ITGBL1: variants seen among roughly 807,000 people sequenced by gnomAD.
The protein encoded by ITGBL1 is integrin subunit beta like 1.
A neutral mutation model predicts 68.5 loss-of-function variants in ITGBL1; 51 were observed. That is an observed-to-expected ratio of 0.74 (90% confidence interval 0.59 to 0.94). The LOEUF (loss-of-function observed/expected upper bound fraction) is 0.94. ITGBL1 is among the 40% of genes least tolerant of loss of function. The pLI is 0.00. For synonymous variants in ITGBL1, 209 were observed against 227.3 expected (o/e 0.92, Z 0.72); for missense variants, 649 against 647.4 (o/e 1.00, Z -0.03).
chr13:101,636,826 A>G (rs1183039042), intron 7 of ITGBL1, among the ~76,000 whole-genome samples: 3 of 152,128 alleles, frequency 2.0e-5, no homozygotes, highest in Admixed American at 2.0e-4. Context: ...TATTCTGAAT[A>G]TATTATTTCA....
In ITGBL1 at chr13:101,599,080, T is replaced by C. The variant is rs1271881463; in HGVS notation, c.1015+781T>C. 3.3e-5 allele frequency among the ~76,000 whole-genome samples: 5 copies of C among 152,308 alleles called. No individual in the cohort carries two copies. In the East Asian group the frequency reaches 7.7e-4, roughly 23 times the overall value. On this transcript the variant is annotated intron_variant, in intron 7 of 10. Coordinates refer to ENST00000376180, the MANE Select transcript of ITGBL1 (RefSeq NM_004791.3). ...GTGTAAAAGTGTTCCTATTTCTCCA[T>C]ATCATCTCCAGCACCTGTTGTTTCC...
intron 2 of ITGBL1, among the ~76,000 whole-genome samples, chr13:101,516,681 T>A (rs2049201306): frequency 6.6e-6 from 1 of 152,156 alleles, no homozygotes; most frequent in African/African-American, 2.4e-5. Context: ...CAAGGCAAAT[T>A]TTCAGGGTTA....
chr13:101,707,249 C>T (rs756368057), intron 9 of ITGBL1, among the ~76,000 whole-genome samples: 9 of 152,042 alleles, frequency 5.9e-5, no homozygotes, highest in Non-Finnish European at 7.4e-5. Context: ...TTGGGCTCAC[C>T]TCTGAAACAA....
chr13:101,515,458 G>A lies in ITGBL1; in HGVS notation c.317-52241G>A, dbSNP rs943621849. 4.6e-5 allele frequency among the ~76,000 whole-genome samples: 7 copies of A among 152,150 alleles called. No homozygotes were observed. In the South Asian group the frequency reaches 1.0e-3, roughly 23 times the overall value. On this transcript the variant is annotated intron_variant, in intron 2 of 10. Transcript: ENST00000376180. ...TTGGAGAAAAACAAAGAATTGCTTC[G>A]TTGGTGAGTCTTTCCACTAGTTCTT... is the stretch of plus-strand genomic sequence containing the variant.
chr13:101,644,245 G>A (rs557809883), intron 7 of ITGBL1, among the ~76,000 whole-genome samples: 1 of 152,264 alleles, frequency 6.6e-6, no homozygotes, highest in Middle Eastern at 3.4e-3. Flanking sequence ...CTAGATATGT[G>A]AGTTTGTTCT....
chr13:101,605,497 C>CAT (rs772200633), intron 7 of ITGBL1, among the ~76,000 whole-genome samples: 730 of 42,838 alleles, frequency 0.017, 56 homozygotes, highest in African/African-American at 0.046. Context: ...CATATATAGA[C>CAT]ATGTATATGC....
chr13:101,571,201 G>T (rs1172384728), intron 3 of ITGBL1, among the ~76,000 whole-genome samples: 1 of 151,908 alleles, frequency 6.6e-6, no homozygotes, highest in East Asian at 1.9e-4. Context: ...TTACTTATTT[G>T]CTCAATCCTA....
At chr13:101,500,741 T>G (rs2048928261) in intron 2 of ITGBL1, among the ~76,000 whole-genome samples, 1 of 152,204 alleles carries the variant, frequency 6.6e-6, no homozygotes, top group Non-Finnish European at 1.5e-5. Context: ...TTTTACAGCC[T>G]TTAAGCAGAC....
intron 2 of ITGBL1, among the ~76,000 whole-genome samples, chr13:101,553,838 G>C (rs548669504): frequency 1.3e-5 from 2 of 151,998 alleles, no homozygotes; most frequent in Non-Finnish European, 2.9e-5. Context: ...CCAATGGCAC[G>C]ATCTCGGCTC....
At chr13:101,617,661 A>G (rs925940708) in intron 7 of ITGBL1, among the ~76,000 whole-genome samples, 3 of 152,196 alleles carry the variant, frequency 2.0e-5, no homozygotes, top group African/African-American at 7.2e-5. Flanking sequence ...AATAAAAAAT[A>G]TAATTGATGT....
At chr13:101,663,367 G>A (rs145139468) in intron 7 of ITGBL1, among the ~76,000 whole-genome samples, 146 of 152,176 alleles carry the variant, frequency 9.6e-4, no homozygotes, top group African/African-American at 3.3e-3. Flanking sequence ...TTTAGAGATC[G>A]CTTGATCTAG....
chr13:101,578,902 G>T (rs1412154777), intron 4 of ITGBL1, among the ~76,000 whole-genome samples: 1 of 152,132 alleles, frequency 6.6e-6, no homozygotes, highest in Non-Finnish European at 1.5e-5. Context: ...CTCAATAGTT[G>T]ATTTCAAATG....
chr13:101,700,221 G>C (rs1364614771), intron 8 of ITGBL1, among the ~76,000 whole-genome samples: 2 of 152,180 alleles, frequency 1.3e-5, no homozygotes, highest in African/African-American at 4.8e-5. Context: ...AAACAGAGCT[G>C]TTTTTCTGCC....
At chr13:101,544,122 A>G (rs1034094879) in intron 2 of ITGBL1, among the ~76,000 whole-genome samples, 1 of 151,934 alleles carries the variant, frequency 6.6e-6, no homozygotes, top group African/African-American at 2.4e-5. Context: ...GGAGGAGGAG[A>G]GGTGCTCTGC....
At chr13:101,454,122 CT>C in intron 2 of ITGBL1, 22 bp downstream of exon 2, 1 of 1,492,504 alleles carries the variant, frequency 6.7e-7, no homozygotes, top group Non-Finnish European at 9.0e-7. Flanking sequence ...GCGCTGTCTC[CT>C]CCCTCGGGAG....
At chr13:101,529,708 T>C (rs1216806576) in intron 2 of ITGBL1, among the ~76,000 whole-genome samples, 3 of 152,166 alleles carry the variant, frequency 2.0e-5, no homozygotes, top group Non-Finnish European at 4.4e-5. Context: ...TGAGCTCTCA[T>C]GATATCTGAT....
intron 6 of ITGBL1, among the ~76,000 whole-genome samples, chr13:101,592,534 TG>T: frequency 6.6e-6 from 1 of 152,258 alleles, no homozygotes; most frequent in East Asian, 1.9e-4. Context: ...AGATATCTCA[TG>T]ATCATGGATC....
chr13:101,643,981 T>C (rs1228506111), intron 7 of ITGBL1, among the ~76,000 whole-genome samples: 3 of 152,152 alleles, frequency 2.0e-5, no homozygotes, highest in African/African-American at 7.2e-5. Context: ...ATTTCAAACT[T>C]AGAGCCAACA....
At chr13:101,502,606 A>G (rs1472126260) in intron 2 of ITGBL1, among the ~76,000 whole-genome samples, 3 of 152,198 alleles carry the variant, frequency 2.0e-5, no homozygotes, top group Non-Finnish European at 4.4e-5. Context: ...ACTTGGGGAC[A>G]GGTAGGCTGG....
Sources: allele counts gnomAD v4.1 joint callset (sites outside exome capture counted in the v4.1 genomes callset), GRCh38; gene constraint gnomAD v4.1.1; transcripts MANE v1.5; gene names NCBI Gene and HGNC (gene_info 2026-07-23, HGNC 2026-07-21).